MACROD2: variants seen among roughly 807,000 people sequenced by gnomAD.
MACROD2 encodes the protein ADP-ribose glycohydrolase MACROD2.
MACROD2 carries 36 observed loss-of-function variants against 70.4 expected under a neutral mutation model. The observed-to-expected ratio is 0.51, with a 90% CI of 0.39 to 0.68. The LOEUF is 0.68. Ranked by LOEUF, MACROD2 falls within the 30% of genes least tolerant of loss-of-function variation. MACROD2 has a pLI of 0.00. For missense variants in MACROD2, 496 were observed against 538.4 expected (o/e 0.92, Z 0.78); for synonymous variants, 172 against 178.8 (o/e 0.96, Z 0.30).
intron 3 of MACROD2, among the ~76,000 whole-genome samples, chr20:14,367,212 A>G (rs1277446058): frequency 1.3e-5 from 2 of 152,192 alleles, no homozygotes; most frequent in African/African-American, 4.8e-5. Flanking sequence ...GTTTTTATAG[A>G]TAACATCTTT....
chr20:15,692,797 A>T (rs114154606), intron 8 of MACROD2, among the ~76,000 whole-genome samples: 2,168 of 152,222 alleles, frequency 0.014, 62 homozygotes, highest in African/African-American at 0.049. Flanking sequence ...GCCATTGCAT[A>T]TATTAGCTGG....
chr20:15,973,152 G>C (rs1252730733), intron 13 of MACROD2, among the ~76,000 whole-genome samples: 2 of 151,908 alleles, frequency 1.3e-5, no homozygotes, highest in Non-Finnish European at 2.9e-5. Flanking sequence ...AAAATATATA[G>C]TTTCTGTATT....
intron 8 of MACROD2, among the ~76,000 whole-genome samples, chr20:15,723,048 C>A (rs1180285723): frequency 6.6e-6 from 1 of 152,150 alleles, no homozygotes; most frequent in Non-Finnish European, 1.5e-5. Context: ...ACATCAACAT[C>A]TCTTGCCCCT....
At position 14,154,552 on chromosome 20, in the gene MACROD2, ATTTTTTTTTTTTTTTTT is replaced by A. The variant is rs869299523; in HGVS notation, c.271+68841_271+68857del. Among the ~76,000 whole-genome samples, 12 of 106,650 alleles carry A rather than the reference ATTTTTTTTTTTTTTTTT, an allele frequency of 1.1e-4. 2 individuals are homozygous for A. Among genetic ancestry groups the A allele is most frequent in the South Asian group, 3.1e-4 (1 of 3,254 alleles). 70.0% of individuals were successfully genotyped at this position (106,650 alleles called of 152,430 possible). ...AGGCTCCCGCCACTACGCCCGGCTA[ATTTTTTTTTTTTTTTTT>A]TTTTTTTTTTTTTTTTGGATTTTTA... On this transcript the variant is annotated intron_variant, in intron 3 of 17. Coordinates refer to ENST00000684519, the MANE Select transcript of MACROD2 (RefSeq NM_001351661.2).
chr20:14,083,504 GT>G (rs376628770), intron 2 of MACROD2, among the ~76,000 whole-genome samples: 15 of 152,098 alleles, frequency 9.9e-5, no homozygotes, highest in African/African-American at 3.1e-4. Context: ...ACTTACAGTG[GT>G]TTACAAACTG....
intron 3 of MACROD2, among the ~76,000 whole-genome samples, chr20:14,437,009 A>G (rs1214059009): frequency 3.9e-5 from 6 of 152,212 alleles, no homozygotes; most frequent in Non-Finnish European, 8.8e-5. Context: ...CTTTTAATTG[A>G]AACACACAGA....
intron 5 of MACROD2, among the ~76,000 whole-genome samples, chr20:15,220,936 A>T (rs2145965473): frequency 6.6e-6 from 1 of 152,306 alleles, no homozygotes; most frequent in South Asian, 2.1e-4. Flanking sequence ...ATGATTGCAG[A>T]AGAGTCTTTC....
intron 5 of MACROD2, among the ~76,000 whole-genome samples, chr20:14,729,537 G>A (rs1315525226): frequency 3.3e-5 from 5 of 152,048 alleles, no homozygotes; most frequent in Non-Finnish European, 7.4e-5. Context: ...TCTCTGTGGG[G>A]GTAAGAACCA....
intron 4 of MACROD2, among the ~76,000 whole-genome samples, chr20:14,539,792 CT>C (rs2085408744): frequency 1.3e-5 from 2 of 152,236 alleles, no homozygotes; most frequent in African/African-American, 4.8e-5. Flanking sequence ...GAACTTAGGT[CT>C]TGCTTTGTAC....
intron 8 of MACROD2, among the ~76,000 whole-genome samples, chr20:15,659,304 C>CTT (rs11468344): frequency 2.8e-4 from 19 of 67,268 alleles, no homozygotes; most frequent in African/African-American, 7.9e-4. Flanking sequence ...GATAGCACAG[C>CTT]TTTTTTTTTT....
At chr20:15,543,316 G>A (rs758268091) in intron 8 of MACROD2, among the ~76,000 whole-genome samples, 25 of 152,086 alleles carry the variant, frequency 1.6e-4, no homozygotes, top group Admixed American at 5.9e-4. Context: ...GGCCCTACTC[G>A]TAAGATTATA....
chr20:14,991,833 G>C (rs2074906996), intron 5 of MACROD2, among the ~76,000 whole-genome samples: 1 of 152,126 alleles, frequency 6.6e-6, no homozygotes, highest in African/African-American at 2.4e-5. Flanking sequence ...TAATGCTCCA[G>C]GTCTACAGGT....
intron 4 of MACROD2, among the ~76,000 whole-genome samples, chr20:14,537,801 T>C (rs115077341): frequency 0.01 from 1,576 of 152,334 alleles, 19 homozygotes; most frequent in African/African-American, 0.035. Context: ...CTGCTCATTT[T>C]CCAGCATAGT....
At chr20:15,279,808 G>T (rs1371381544) in intron 6 of MACROD2, among the ~76,000 whole-genome samples, 1 of 152,156 alleles carries the variant, frequency 6.6e-6, no homozygotes, top group Non-Finnish European at 1.5e-5. Flanking sequence ...TAAGGGCTTT[G>T]TAGGTATCAT....
chr20:15,538,939 G>A (rs958550774), intron 8 of MACROD2, among the ~76,000 whole-genome samples: 1 of 151,886 alleles, frequency 6.6e-6, no homozygotes, highest in Non-Finnish European at 1.5e-5. Context: ...TTTAGGGCAT[G>A]CAATTATAAC....
intron 4 of MACROD2, among the ~76,000 whole-genome samples, chr20:14,522,546 G>A (rs1174505161): frequency 5.3e-5 from 8 of 152,220 alleles, no homozygotes; most frequent in Admixed American, 1.3e-4. Flanking sequence ...CTTAGTGGGT[G>A]TCAGAGGCCT....
intron 13 of MACROD2, among the ~76,000 whole-genome samples, chr20:15,984,369 C>T (rs913673863): frequency 1.3e-5 from 2 of 151,936 alleles, no homozygotes; most frequent in Non-Finnish European, 2.9e-5. Context: ...AATTTTTTTA[C>T]TAAAGGTATA....
At chr20:15,024,553 C>A (rs2075215090) in intron 5 of MACROD2, among the ~76,000 whole-genome samples, 1 of 151,840 alleles carries the variant, frequency 6.6e-6, no homozygotes, top group South Asian at 2.1e-4. Flanking sequence ...TAATAAAAAA[C>A]ATTTGTTAAA....
intron 5 of MACROD2, among the ~76,000 whole-genome samples, chr20:14,694,219 C>A (rs2071095139): frequency 6.6e-6 from 1 of 152,264 alleles, no homozygotes; most frequent in Non-Finnish European, 1.5e-5. Flanking sequence ...TATTTCAGTT[C>A]TTACATATTT....
Sources: allele counts gnomAD v4.1 joint callset (sites outside exome capture counted in the v4.1 genomes callset), GRCh38; gene constraint gnomAD v4.1.1; transcripts MANE v1.5; gene names NCBI Gene and HGNC (gene_info 2026-07-23, HGNC 2026-07-21).